PALMD: variants seen among roughly 807,000 people sequenced by gnomAD.
PALMD encodes the protein palmdelphin.
In PALMD, 42 loss-of-function variants were observed where a neutral mutation model predicts 56.2. That is an observed-to-expected ratio of 0.75 (90% CI 0.58 to 0.97). The LOEUF is 0.97. PALMD is among the 50% of genes least tolerant of loss of function. PALMD has a pLI of 0.00. For synonymous variants in PALMD, 242 were observed against 222.9 expected, an observed-to-expected ratio of 1.09 and a Z score of -0.76; for missense variants, 660 against 643.8, an observed-to-expected ratio of 1.03 and a Z score of -0.27.
chr1:99,688,066 C>A (rs1329159728), intron 6 of PALMD, among the ~76,000 whole-genome samples: 1 of 152,140 alleles, frequency 6.6e-6, no homozygotes, highest in Non-Finnish European at 1.5e-5. Flanking sequence ...CAAATCTCAG[C>A]TTCCCCAGTT....
At chr1:99,684,500 GAATA>G (rs1437167520) in intron 3 of PALMD, 1 of 151,768 alleles carries the variant, frequency 6.6e-6, no homozygotes, top group African/African-American at 2.4e-5. Context: ...AAGAATGAAT[GAATA>G]AAGACAATGA....
intron 1 of PALMD, among the ~76,000 whole-genome samples, chr1:99,660,192 T>C (rs760540913): frequency 6.6e-6 from 1 of 152,216 alleles, no homozygotes; most frequent in Non-Finnish European, 1.5e-5. Flanking sequence ...TAGTGCTGCC[T>C]CCTGGCCACA....
intron 1 of PALMD, among the ~76,000 whole-genome samples, chr1:99,655,934 GCACACACACACACATGCA>G (rs912329366): frequency 1.1e-4 from 11 of 101,256 alleles, no homozygotes; most frequent in Admixed American, 3.7e-4. Flanking sequence ...TAACACACAC[GCACACACACACACATGCA>G]CACACACACA....
chr1:99,675,906 T>A (rs1005233372), intron 3 of PALMD, among the ~76,000 whole-genome samples: 2 of 152,196 alleles, frequency 1.3e-5, no homozygotes, highest in Non-Finnish European at 2.9e-5. Flanking sequence ...GCCCATAAGA[T>A]AATTATTAAT....
chr1:99,661,158 G>A (rs1652838879), intron 1 of PALMD, among the ~76,000 whole-genome samples: 1 of 152,136 alleles, frequency 6.6e-6, no homozygotes, highest in Non-Finnish European at 1.5e-5. Flanking sequence ...TCTTTTGGAT[G>A]TCTTCATTGG....
intron 1 of PALMD, among the ~76,000 whole-genome samples, chr1:99,654,473 C>T (rs12064173): frequency 0.01 from 1,592 of 152,168 alleles, 31 homozygotes; most frequent in African/African-American, 0.037. Flanking sequence ...TACCAAGTGA[C>T]ATACTATATG....
Position 99,689,221 on chromosome 1 carries a change from A to G in PALMD, c.961A>G (p.Ser321Gly). The G allele has an allele frequency of 1.2e-6, 2 of 1,613,706 alleles. No homozygotes were observed. Among genetic ancestry groups the G allele is most frequent in the Non-Finnish European group, 1.7e-6 (2 of 1,179,814 alleles). Residue 321 changes from serine (S) to glycine (G), a missense_variant, in exon 7 of 8, where the codon AGT (serine) becomes GGT (glycine). By Grantham distance (56) the Ser-to-Gly change is moderately conservative. Transcript: ENST00000263174. ...EERGNNFNHI[S>G]PIPPVPHPRS... ...AAGGGGAAACAACTTCAATCACATC[A>G]GTCCCATTCCGCCAGTGCCTCATCC...
intron 2 of PALMD, among the ~76,000 whole-genome samples, chr1:99,665,646 C>G (rs553122027): frequency 6.6e-6 from 1 of 152,066 alleles, no homozygotes; most frequent in African/African-American, 2.4e-5. Flanking sequence ...TAAGACCACC[C>G]CATCTGAGTG....
chr1:99,658,303 C>CAAA (rs144642179), intron 1 of PALMD, among the ~76,000 whole-genome samples: 3 of 105,238 alleles, frequency 2.9e-5, no homozygotes, highest in African/African-American at 9.6e-5. Flanking sequence ...GACTCTGTCT[C>CAAA]AAAAAAAAAA....
chr1:99,648,814 G>T (rs1039061237), intron 1 of PALMD, among the ~76,000 whole-genome samples: 4 of 131,174 alleles, frequency 3.0e-5, no homozygotes, highest in African/African-American at 1.1e-4. Context: ...TCACTGCAAA[G>T]AACTGAAAAA....
chr1:99,665,101 ACAGT>A (rs909088304), intron 2 of PALMD, among the ~76,000 whole-genome samples: 1 of 152,112 alleles, frequency 6.6e-6, no homozygotes, highest in Non-Finnish European at 1.5e-5. Flanking sequence ...AACACAAAAT[ACAGT>A]CAATCTGAAA....
intron 1 of PALMD, among the ~76,000 whole-genome samples, chr1:99,648,624 A>T (rs144093785): frequency 1.3e-5 from 2 of 152,148 alleles, no homozygotes; most frequent in Admixed American, 1.3e-4. Flanking sequence ...TCCCCAATGC[A>T]CCCAGACATA....
chr1:99,651,294 G>A (rs834990), intron 1 of PALMD, among the ~76,000 whole-genome samples: 97,527 of 152,064 alleles, frequency 0.64, 31,446 homozygotes, highest in East Asian at 0.7. Flanking sequence ...AGGTATAATA[G>A]TTTTGATAGC....
Position 99,689,280 on chromosome 1 carries a change from T to G in PALMD, c.1020T>G (p.Leu340=). 1.2e-6 allele frequency: 2 copies of G among 1,613,336 alleles called. No homozygotes were observed. Among genetic ancestry groups the G allele is most frequent in the Non-Finnish European group, 1.7e-6 (2 of 1,179,800 alleles). The change falls in exon 7 of 8, where the codon CTT becomes CTG. Residue 340 remains leucine, a synonymous_variant. Coordinates refer to ENST00000263174, the MANE Select transcript of PALMD (RefSeq NM_017734.5). ...RSVIQQAEEK[L]HTPQKRLMTP... is the part of the protein sequence containing the mutation. ...TGATTCAACAAGCAGAAGAGAAGCT[T>G]CACACCCCGCAAAAAAGGCTAATGA...
chr1:99,690,373 A>G (rs1340131768), intron 7 of PALMD, among the ~76,000 whole-genome samples: 2 of 152,100 alleles, frequency 1.3e-5, no homozygotes, highest in East Asian at 3.8e-4. Context: ...TAGTTTCATT[A>G]ATTTTATTTT....
chr1:99,672,797 A>T (rs192095122), intron 3 of PALMD, among the ~76,000 whole-genome samples: 2 of 152,238 alleles, frequency 1.3e-5, no homozygotes, highest in Non-Finnish European at 2.9e-5. Flanking sequence ...AATGATGCAA[A>T]TACACTGCAT....
At chr1:99,657,981 C>G (rs1314873066) in intron 1 of PALMD, among the ~76,000 whole-genome samples, 1 of 152,154 alleles carries the variant, frequency 6.6e-6, no homozygotes, top group East Asian at 1.9e-4. Context: ...AATGCCTTAG[C>G]GATAACATGT....
chr1:99,667,252 C>T (rs1485802514), intron 2 of PALMD, among the ~76,000 whole-genome samples: 4 of 152,056 alleles, frequency 2.6e-5, no homozygotes, highest in African/African-American at 7.2e-5. Context: ...GATATATACC[C>T]ATCAATAACA....
chr1:99,674,444 G>A (rs1653159178), intron 3 of PALMD, among the ~76,000 whole-genome samples: 1 of 152,002 alleles, frequency 6.6e-6, no homozygotes, highest in Non-Finnish European at 1.5e-5. Flanking sequence ...CTATAAATCT[G>A]GCAACAGTCA....
Sources: gnomAD v4.1 joint callset for allele counts (sites outside exome capture counted in the v4.1 genomes callset) on GRCh38, gnomAD v4.1.1 for gene constraint, MANE v1.5 for transcripts, NCBI Gene and HGNC (gene_info 2026-07-23, HGNC 2026-07-21) for gene names.